The following MS4A10 variants were observed in gnomAD, a reference collection of about 807,000 sequenced individuals.
The protein encoded by MS4A10 is membrane spanning 4-domains A10, also known as membrane-spanning 4-domains subfamily A member 10.
Under a neutral mutation model 27.7 loss-of-function variants are expected in MS4A10, and 27 were observed. The ratio of observed to expected loss-of-function variants is 0.98; its 90% CI spans 0.72 to 1.35. The LOEUF (loss-of-function observed/expected upper bound fraction) is 1.35, where lower values mean the gene tolerates loss of function less well. MS4A10 is among the 40% of genes most tolerant of loss of function. The pLI is 0.00. For synonymous variants in MS4A10, 139 were observed against 131.2 expected (o/e 1.06, Z -0.41); for missense variants, 338 against 324.7 (o/e 1.04, Z -0.32).
rs189641494 is a variant in MS4A10 at position 60,800,260 on chromosome 11, C to T, written c.*351C>T. On this transcript the variant is annotated 3_prime_UTR_variant, in exon 8 of 8. Transcript: ENST00000308287. ...CCGCCTCCCTGGTTCAAGTGATTCT[C>T]CTATCTCAGCCTCCCAAGTAGCTGG... 1.0e-3 allele frequency: 240 copies of T among 229,034 alleles called. 1 individual carries two copies. The highest frequency in any genetic ancestry group is 5.3e-3 in the African/African-American group (233 of 44,172). The allele number at this position is 229,034 out of a possible 1,614,324, so 14.2% of individuals were successfully genotyped here.
intron 5 of MS4A10, 108 bp downstream of exon 5, chr11:60,794,211 G>A: frequency 7.3e-7 from 1 of 1,360,804 alleles, no homozygotes; most frequent in African/African-American, 1.4e-5. Flanking sequence ...GAGCCCAGGT[G>A]TGGGCTGCTG....
chr11:60,790,893 A>G, intron 2 of MS4A10, 81 bp from the exon 3 acceptor site: 2 of 1,570,872 alleles, frequency 1.3e-6, no homozygotes, highest in South Asian at 1.2e-5. Flanking sequence ...CACCACAGCC[A>G]GTAGGTCCAG....
chr11:60,787,230 G>A (rs1244553757), intron 1 of MS4A10, among the ~76,000 whole-genome samples: 1 of 152,076 alleles, frequency 6.6e-6, no homozygotes, highest in Non-Finnish European at 1.5e-5. Context: ...GGTTGGGCGG[G>A]GAAAGGCTAA....
rs542522969 is a variant in MS4A10, at chr11:60,796,736, C to G, written c.603+1071C>G. Among the ~76,000 whole-genome samples, 114 of 152,282 alleles carry G rather than the reference C, an allele frequency of 7.5e-4. 4 individuals are homozygous for G. In the South Asian group the frequency reaches 0.018, roughly 24 times the overall value. On this transcript the variant is annotated intron_variant, in intron 6 of 7. Coordinates refer to ENST00000308287, the MANE Select transcript of MS4A10 (RefSeq NM_206893.4). Reference sequence around the variant, plus strand: ...GTCCAACCCACAGTCTTGCCCTTGTCTACCCATGGGGATGGCATAGGGCTA... The same window carrying G: ...GTCCAACCCACAGTCTTGCCCTTGTGTACCCATGGGGATGGCATAGGGCTA...
Position 60,800,146 on chromosome 11 carries a change from GT to G in MS4A10, c.*241del. The G allele has an allele frequency of 1.7e-6, 1 of 579,218 alleles. No homozygotes were observed. Among genetic ancestry groups the G allele is most frequent in the South Asian group, 2.5e-5 (1 of 40,724 alleles). 35.9% of individuals were successfully genotyped at this position (579,218 alleles called of 1,614,324 possible). ...AGATTGTTTTGTTTTGTTTCGCTTT[GT>G]TTTGTTTTCTTTTGTTTTGTTGAGA... On this transcript the variant is annotated 3_prime_UTR_variant, in exon 8 of 8. Transcript: ENST00000308287.
rs1854423406 is a variant in MS4A10 at position 60,791,112 on chromosome 11, A to G, written c.303+19A>G. 6.2e-7 allele frequency: 1 copy of G among 1,613,084 alleles called. No homozygotes were observed. Among genetic ancestry groups the G allele is most frequent in the Non-Finnish European group, 8.5e-7 (1 of 1,179,702 alleles). ...TGCCTCTGTGAGTAGAAGGCAAAAC[A>G]CAGACCGGGTGTGGGAGTCTGCAAG... On this transcript the variant is annotated intron_variant, in intron 3 of 7. Transcript: ENST00000308287.
intron 6 of MS4A10, 25 bp downstream of exon 6, chr11:60,795,690 G>A (rs1468973387): frequency 1.4e-6 from 2 of 1,479,726 alleles, no homozygotes; most frequent in Admixed American, 2.3e-5. Flanking sequence ...TGTCTTCCCA[G>A]GAAGACAAAA....
chr11:60,791,998 G>A (rs1291386480), intron 3 of MS4A10, among the ~76,000 whole-genome samples: 1 of 152,224 alleles, frequency 6.6e-6, no homozygotes, highest in African/African-American at 2.4e-5. Flanking sequence ...CTAGGAGGGA[G>A]TTCTAAGTGC....
chr11:60,792,899 C>A (rs2134752279), intron 4 of MS4A10, among the ~76,000 whole-genome samples: 1 of 152,350 alleles, frequency 6.6e-6, no homozygotes, highest in South Asian at 2.1e-4. Flanking sequence ...CATTCTCCCA[C>A]AACTCTGTGG....
chr11:60,795,788 C>A, intron 6 of MS4A10, 123 bp downstream of exon 6: 1 of 561,514 alleles, frequency 1.8e-6, no homozygotes, highest in Non-Finnish European at 2.8e-6. Flanking sequence ...CCTCACGTTG[C>A]TGAGCGTTCA....
At chr11:60,787,266 C>T (rs1295812852) in intron 1 of MS4A10, among the ~76,000 whole-genome samples, 1 of 152,192 alleles carries the variant, frequency 6.6e-6, no homozygotes, top group Non-Finnish European at 1.5e-5. Context: ...CACCAAACAG[C>T]CTGCTGCCTG....
In MS4A10 at chr11:60,800,967, T is replaced by A. The variant is rs1245975111; in HGVS notation, c.*1058T>A. The A allele has an allele frequency of 6.6e-6, 1 of 152,086 alleles. No individual in the cohort carries two copies. Among genetic ancestry groups the A allele is most frequent in the African/African-American group, 2.4e-5 (1 of 41,392 alleles). The allele number at this position is 152,086 out of a possible 1,614,324, so 9.4% of individuals were successfully genotyped here. ...CGCCACCACGCCTGGCTACTTTTTG[T>A]ATTTTTAGTAGAGACAGGGTTTCAC... On this transcript the variant is annotated 3_prime_UTR_variant, in exon 8 of 8. Coordinates refer to ENST00000308287, the MANE Select transcript of MS4A10 (RefSeq NM_206893.4).
At chr11:60,787,667 A>G (rs1377418472) in intron 1 of MS4A10, among the ~76,000 whole-genome samples, 1 of 152,130 alleles carries the variant, frequency 6.6e-6, no homozygotes, top group Non-Finnish European at 1.5e-5. Context: ...ACTTTGCCCA[A>G]AAGCAGACCC....
chr11:60,798,639 T>C (rs960365143), intron 7 of MS4A10, 125 bp downstream of exon 7: 2 of 710,060 alleles, frequency 2.8e-6, no homozygotes, highest in East Asian at 2.6e-5. Context: ...GTGCTGCAGC[T>C]AGAACTGCCT....
intron 5 of MS4A10, among the ~76,000 whole-genome samples, 193 bp from the exon 6 acceptor site, chr11:60,795,362 G>T (rs1006609581): frequency 6.6e-6 from 1 of 152,090 alleles, no homozygotes; most frequent in Admixed American, 6.5e-5. Flanking sequence ...TGAGTGTAGG[G>T]CAGTGACCAA....
chr11:60,790,915 C>A (rs900104014), intron 2 of MS4A10, 59 bp from the exon 3 acceptor site: 1 of 1,602,884 alleles, frequency 6.2e-7, no homozygotes, highest in Admixed American at 1.7e-5. Context: ...GCACTAGTGG[C>A]CTCAATTAGA....
intron 1 of MS4A10, among the ~76,000 whole-genome samples, chr11:60,786,189 GCACACACACACACACACA>G (rs552507721): frequency 2.4e-5 from 3 of 127,254 alleles, no homozygotes; most frequent in Non-Finnish European, 3.3e-5. Context: ...ACACACACAC[GCACACACACACACACACA>G]CACACCCTGA....
In MS4A10 at chr11:60,792,261, G is replaced by T; in HGVS notation, c.304-4G>T. 6.2e-7 allele frequency: 1 copy of T among 1,613,226 alleles called. No homozygotes were observed. The highest frequency in any genetic ancestry group is 2.2e-5 in the East Asian group (1 of 44,886). ...CTCCTTTGACTTTCAAATCTGTCCT[G>T]CAGTTTCTCATTTCAGGGATCTTGG... On this transcript the variant is annotated splice_polypyrimidine_tract_variant and splice_region_variant and intron_variant, in intron 3 of 7. Transcript: ENST00000308287.
chr11:60,789,191 G>T (rs1222539697), intron 1 of MS4A10, among the ~76,000 whole-genome samples: 1 of 152,222 alleles, frequency 6.6e-6, no homozygotes, highest in Non-Finnish European at 1.5e-5. Context: ...AAAAGTGAGA[G>T]GAATGGCCCT....
Sources: allele counts gnomAD v4.1 joint callset (sites outside exome capture counted in the v4.1 genomes callset), GRCh38; gene constraint gnomAD v4.1.1; transcripts MANE v1.5; gene names NCBI Gene and HGNC (gene_info 2026-07-23, HGNC 2026-07-21).